The following NRXN3 variants were observed in gnomAD, a reference collection of about 807,000 sequenced individuals.
NRXN3 encodes the protein neurexin III.
In NRXN3, 32 loss-of-function variants were observed where a neutral mutation model predicts 137.6. The observed-to-expected ratio is 0.23, with a 90% CI of 0.18 to 0.31. NRXN3 has a LOEUF of 0.31. Ranked by LOEUF, NRXN3 falls within the 10% of genes least tolerant of loss-of-function variation. NRXN3 has a pLI of 1.00. For synonymous variants in NRXN3, 798 were observed against 784.5 expected (o/e 1.02, Z -0.29); for missense variants, 1,574 against 2,062.5 (o/e 0.76, Z 4.59).
chr14:78,593,277 T>C (rs945225420), intron 4 of NRXN3, among the ~76,000 whole-genome samples: 4 of 152,218 alleles, frequency 2.6e-5, no homozygotes, highest in Admixed American at 1.3e-4. Flanking sequence ...TCTCTAGCTC[T>C]ACCTGGAGGA....
intron 15 of NRXN3, among the ~76,000 whole-genome samples, chr14:79,393,107 G>T (rs569107495): frequency 2.0e-5 from 3 of 151,886 alleles, no homozygotes; most frequent in African/African-American, 4.8e-5. Flanking sequence ...ATCTTTTTAC[G>T]GTCTGAGTAA....
At chr14:78,316,274 G>A (rs936900027) in intron 4 of NRXN3, among the ~76,000 whole-genome samples, 4 of 152,108 alleles carry the variant, frequency 2.6e-5, no homozygotes, top group Non-Finnish European at 5.9e-5. Context: ...AGGAGGGAGT[G>A]TAGAGTTGGG....
At chr14:79,372,210 C>T (rs954594255) in intron 15 of NRXN3, among the ~76,000 whole-genome samples, 6 of 152,060 alleles carry the variant, frequency 3.9e-5, no homozygotes, top group African/African-American at 1.2e-4. Context: ...GACTAAAACA[C>T]ACCATATTAA....
intron 2 of NRXN3, among the ~76,000 whole-genome samples, chr14:78,271,794 G>T (rs1036787673): frequency 6.6e-6 from 1 of 152,158 alleles, no homozygotes; most frequent in Non-Finnish European, 1.5e-5. Context: ...AGGGCTCTGG[G>T]GCTCAGTCCT....
chr14:79,791,127 T>C (rs964311308), intron 19 of NRXN3: 3 of 152,154 alleles, frequency 2.0e-5, no homozygotes, highest in Non-Finnish European at 2.9e-5. Context: ...CAAGCTGTGG[T>C]GGGCATTGTA....
At position 78,754,092 on chromosome 14, in the gene NRXN3, T is replaced by C. The variant is rs539123976; in HGVS notation, c.2044+38953T>C. Among the ~76,000 whole-genome samples the C allele has an allele frequency of 1.8e-4, 28 of 152,048 alleles. No individual in the cohort carries two copies. The East Asian group carries it at 4.9e-3, about 26-fold the overall frequency. On this transcript the variant is annotated intron_variant, in intron 8 of 20. Coordinates refer to ENST00000335750, the MANE Select transcript of NRXN3 (RefSeq NM_001330195.2). Reference sequence around the variant, plus strand: ...GTTTACAGAAGCACAGGAAAGAAAATGTTTGATTGGTTAAAATGGAAGTTT... The same window carrying C: ...GTTTACAGAAGCACAGGAAAGAAAACGTTTGATTGGTTAAAATGGAAGTTT...
intron 4 of NRXN3, among the ~76,000 whole-genome samples, chr14:78,621,653 C>T (rs2097405496): frequency 6.6e-6 from 1 of 152,112 alleles, no homozygotes; most frequent in African/African-American, 2.4e-5. Flanking sequence ...AATTAGGAGG[C>T]ATTAGTGTAA....
Position 79,450,007 on chromosome 14 carries a change from A to G in NRXN3, c.3263-17214A>G, listed in dbSNP as rs1340311681. The stretch of plus-strand genomic sequence containing the variant: ...CTCCATCTCAAAAAAAAAAAAAAAA[A>G]AAAAAAAGATATAGAATCTTACTTC... On this transcript the variant is annotated intron_variant, in intron 15 of 20. Coordinates refer to ENST00000335750, the MANE Select transcript of NRXN3 (RefSeq NM_001330195.2). Among the ~76,000 whole-genome samples the G allele has an allele frequency of 2.0e-5, 3 of 151,336 alleles. No homozygotes were observed. In the East Asian group the frequency reaches 5.8e-4, roughly 29 times the overall value.
chr14:79,512,235 C>T (rs1458805196), intron 16 of NRXN3, among the ~76,000 whole-genome samples: 1 of 152,134 alleles, frequency 6.6e-6, no homozygotes, highest in Non-Finnish European at 1.5e-5. Context: ...AGCTTACCAG[C>T]ACCAAAAACA....
At chr14:78,720,985 A>C (rs932762677) in intron 8 of NRXN3, among the ~76,000 whole-genome samples, 2 of 152,314 alleles carry the variant, frequency 1.3e-5, no homozygotes, top group African/African-American at 4.8e-5. Flanking sequence ...AAGAGAAGAC[A>C]CACTTTCTGT....
At chr14:79,605,917 T>C (rs924994702) in intron 16 of NRXN3, among the ~76,000 whole-genome samples, 1 of 152,164 alleles carries the variant, frequency 6.6e-6, no homozygotes, top group African/African-American at 2.4e-5. Context: ...TGGATCAGTA[T>C]GTATGTGCAA....
At chr14:79,256,386 TACC>T (rs2076592733) in intron 15 of NRXN3, among the ~76,000 whole-genome samples, 1 of 152,228 alleles carries the variant, frequency 6.6e-6, no homozygotes, top group South Asian at 2.1e-4. Context: ...TGGGTACCAC[TACC>T]TTCTGTGATA....
intron 15 of NRXN3, among the ~76,000 whole-genome samples, chr14:79,457,061 A>C (rs2096267819): frequency 6.6e-6 from 1 of 152,042 alleles, no homozygotes; most frequent in Non-Finnish European, 1.5e-5. Flanking sequence ...AAAAAAAAAA[A>C]AAAGTTCATT....
chr14:78,833,426 C>A (rs2098987863), intron 10 of NRXN3, among the ~76,000 whole-genome samples: 4 of 152,130 alleles, frequency 2.6e-5, no homozygotes, highest in Admixed American at 2.0e-4. Flanking sequence ...TGTCCATCCA[C>A]CCTTGAGGCA....
At chr14:79,531,878 A>G (rs183077643) in intron 16 of NRXN3, among the ~76,000 whole-genome samples, 56 of 152,348 alleles carry the variant, frequency 3.7e-4, no homozygotes, top group African/African-American at 1.3e-3. Flanking sequence ...GGTAATAGAC[A>G]TAACATATGA....
At chr14:79,107,430 G>A (rs965632073) in intron 15 of NRXN3, among the ~76,000 whole-genome samples, 3 of 152,154 alleles carry the variant, frequency 2.0e-5, no homozygotes, top group South Asian at 4.1e-4. Flanking sequence ...TGCCAGCATC[G>A]AAGGCCATAG....
chr14:78,463,997 A>G (rs1021652686), intron 4 of NRXN3, among the ~76,000 whole-genome samples: 2 of 151,140 alleles, frequency 1.3e-5, no homozygotes, highest in Admixed American at 6.6e-5. Flanking sequence ...TATGCTGCCT[A>G]TTTATATATT....
chr14:78,693,461 C>T (rs2098192847), intron 6 of NRXN3, among the ~76,000 whole-genome samples: 2 of 151,802 alleles, frequency 1.3e-5, no homozygotes, highest in Admixed American at 6.6e-5. Flanking sequence ...GATCCCTGGT[C>T]CTCAGCTTTG....
At chr14:79,106,900 AT>A (rs1025352939) in intron 15 of NRXN3, among the ~76,000 whole-genome samples, 11 of 152,190 alleles carry the variant, frequency 7.2e-5, no homozygotes, top group Admixed American at 7.2e-4. Context: ...TTATTTCCAA[AT>A]AAAAACAAGC....
Sources: gnomAD v4.1 joint callset for allele counts (sites outside exome capture counted in the v4.1 genomes callset) on GRCh38, gnomAD v4.1.1 for gene constraint, MANE v1.5 for transcripts, NCBI Gene and HGNC (gene_info 2026-07-23, HGNC 2026-07-21) for gene names.